The following NECTIN1 variants were observed in gnomAD, a reference collection of about 807,000 sequenced individuals.
The protein encoded by NECTIN1 is nectin-1.
A neutral mutation model predicts 48.0 loss-of-function variants in NECTIN1; 23 were observed. The observed-to-expected ratio is 0.48, with a 90% CI of 0.34 to 0.68. The LOEUF (loss-of-function observed/expected upper bound fraction) is 0.68. Ranked by LOEUF, NECTIN1 falls within the 30% of genes least tolerant of loss-of-function variation. The probability of loss-of-function intolerance (pLI) is 0.01; values close to 1 mark genes in which losing one functional copy is unlikely to be tolerated. For synonymous variants in NECTIN1, 270 were observed against 288.9 expected, an observed-to-expected ratio of 0.93 and a Z score of 0.66; for missense variants, 591 against 709.9, an observed-to-expected ratio of 0.83 and a Z score of 1.90.
intron 1 of NECTIN1, among the ~76,000 whole-genome samples, chr11:119,702,867 CT>C (rs1478707682): frequency 6.6e-6 from 1 of 152,162 alleles, no homozygotes; most frequent in African/African-American, 2.4e-5. Flanking sequence ...GTCTCTTCCT[CT>C]TTTTTTCCTC....
Position 119,665,245 on chromosome 11 carries a change from C to A in NECTIN1, c.1056G>T (p.Val352=). The change falls in exon 6 of 6, where the codon GTG becomes GTT. Residue 352 remains valine (V), a synonymous_variant. Coordinates refer to ENST00000264025, the MANE Select transcript of NECTIN1 (RefSeq NM_002855.5). This position sits in a 1 kb window ranked among gnomAD's most constrained non-coding sequence, Gnocchi z 5.1. ...PPEHGRRAGP[V]PTAIIGGVAG... ...CCACGCCCCCAATGATGGCCGTGGG[C>A]ACCGGCCCGGCGCGCCGCCCATGTT... 1 of 1,599,954 alleles carries A rather than the reference C, an allele frequency of 6.3e-7. No individual in the cohort carries two copies. Among genetic ancestry groups the A allele is most frequent in the Non-Finnish European group, 8.5e-7 (1 of 1,177,612 alleles).
At chr11:119,697,925 T>C (rs1865369934) in intron 1 of NECTIN1, among the ~76,000 whole-genome samples, 1 of 152,260 alleles carries the variant, frequency 6.6e-6, no homozygotes, top group Non-Finnish European at 1.5e-5. Flanking sequence ...CTGCAGAGGC[T>C]GAAGCCCTCG....
chr11:119,643,592 C>T (rs939220549), intron 5 of NECTIN1, among the ~76,000 whole-genome samples: 2 of 152,212 alleles, frequency 1.3e-5, no homozygotes, highest in African/African-American at 4.8e-5. Flanking sequence ...CTACCCCCTC[C>T]CTGAATAGGG....
Position 119,728,651 on chromosome 11 carries a change from G to C in NECTIN1, c.-98C>G. On this transcript the variant is annotated 5_prime_UTR_variant, in exon 1 of 6. Coordinates refer to ENST00000264025, the MANE Select transcript of NECTIN1 (RefSeq NM_002855.5). ...TGAGGGAAGATCGCTGGCGGTCGGCGGGCGCTCGAAGGATCCAGGTCAGCT... is the reference window on the plus strand; with the variant it reads ...TGAGGGAAGATCGCTGGCGGTCGGCCGGCGCTCGAAGGATCCAGGTCAGCT... The C allele has an allele frequency of 2.9e-6, 2 of 689,186 alleles. No individual in the cohort carries two copies. Among genetic ancestry groups the C allele is most frequent in the Non-Finnish European group, 4.4e-6 (2 of 451,064 alleles). 42.7% of individuals were successfully genotyped at this position (689,186 alleles called of 1,614,324 possible). A position where few individuals can be genotyped will look rare whatever the true frequency, so the allele number is the denominator to read the frequency against.
At chr11:119,697,363 G>T (rs1472895134) in intron 1 of NECTIN1, among the ~76,000 whole-genome samples, 2 of 152,134 alleles carry the variant, frequency 1.3e-5, no homozygotes, top group Non-Finnish European at 2.9e-5. Context: ...CATCAGCACG[G>T]TTGGCATTTC....
rs149672732 is a variant in NECTIN1 at position 119,661,691 on chromosome 11, G to A, written c.*3056C>T. On this transcript the variant is annotated 3_prime_UTR_variant, in exon 6 of 6. Coordinates refer to ENST00000264025, the MANE Select transcript of NECTIN1 (RefSeq NM_002855.5). ...GTGGGGGTTGGCTGGCAGAGGAAGC[G>A]CATGCCCAGGAAACAGGGCCCCTAT... 3.1e-5 allele frequency: 31 copies of A among 985,868 alleles called. No homozygotes were observed. Among genetic ancestry groups the A allele is most frequent in the Middle Eastern group, 5.2e-4 (1 of 1,914 alleles). The allele number at this position is 985,868 out of a possible 1,614,324, so 61.1% of individuals were successfully genotyped here. A position where few individuals can be genotyped will look rare whatever the true frequency, so the allele number is the denominator to read the frequency against.
Position 119,677,404 on chromosome 11 carries a change from G to T in NECTIN1, c.733+151C>A. 1 of 1,061,798 alleles carries T rather than the reference G, an allele frequency of 9.4e-7. No individual in the cohort carries two copies. The highest frequency in any genetic ancestry group is 1.4e-6 in the Non-Finnish European group (1 of 700,162). 65.8% of individuals were successfully genotyped at this position (1,061,798 alleles called of 1,614,324 possible). A position where few individuals can be genotyped will look rare whatever the true frequency, so the allele number is the denominator to read the frequency against. Reference sequence around the variant, plus strand: ...GAAACAGGAGGGCGACAGGGAAGGAGGAGAGAAAACGAGCAAAGGGAGGAG... The same window carrying T: ...GAAACAGGAGGGCGACAGGGAAGGATGAGAGAAAACGAGCAAAGGGAGGAG... On this transcript the variant is annotated intron_variant, in intron 3 of 5. Transcript: ENST00000264025. The surrounding 1 kb of genome is among the most constrained non-coding windows in gnomAD (Gnocchi z 5.4).
At chr11:119,644,521 G>C (rs560406320) in intron 5 of NECTIN1, among the ~76,000 whole-genome samples, 1 of 152,352 alleles carries the variant, frequency 6.6e-6, no homozygotes, top group African/African-American at 2.4e-5. Context: ...TCCTCCTTCA[G>C]TTAGACAAAC....
chr11:119,661,671 G>C lies in NECTIN1; in HGVS notation c.*3076C>G. 4 of 985,896 alleles carry C rather than the reference G, an allele frequency of 4.1e-6. No individual in the cohort carries two copies. Among genetic ancestry groups the C allele is most frequent in the Non-Finnish European group, 4.8e-6 (4 of 829,962 alleles). The allele number at this position is 985,896 out of a possible 1,614,324, so 61.1% of individuals were successfully genotyped here. On this transcript the variant is annotated 3_prime_UTR_variant, in exon 6 of 6. Coordinates refer to ENST00000264025, the MANE Select transcript of NECTIN1 (RefSeq NM_002855.5). ...TGCACCAGTGACTTGGGCAAGTGGGGGTTGGCTGGCAGAGGAAGCGCATGC... is the reference window on the plus strand; with the variant it reads ...TGCACCAGTGACTTGGGCAAGTGGGCGTTGGCTGGCAGAGGAAGCGCATGC...
chr11:119,674,817 T>TC (rs995820362), intron 5 of NECTIN1, among the ~76,000 whole-genome samples: 24 of 152,182 alleles, frequency 1.6e-4, no homozygotes, highest in African/African-American at 5.1e-4. Context: ...TGCAAACCTA[T>TC]CCCCACCATG....
intron 1 of NECTIN1, among the ~76,000 whole-genome samples, chr11:119,716,612 G>A (rs144743156): frequency 1.3e-4 from 20 of 152,356 alleles, no homozygotes; most frequent in African/African-American, 4.8e-4. Context: ...CTAGTTGTTT[G>A]TGACCCTGTA....
At position 119,727,537 on chromosome 11, in the gene NECTIN1, T is replaced by TA. The variant is rs1865929898; in HGVS notation, c.79+937dup. On this transcript the variant is annotated intron_variant, in intron 1 of 5. Coordinates refer to ENST00000264025, the MANE Select transcript of NECTIN1 (RefSeq NM_002855.5). This position sits in a 1 kb window ranked among gnomAD's most constrained non-coding sequence, Gnocchi z 4.1. Reference sequence around the variant, plus strand: ...CAGCTTCCCCAGGGACACAAAGGGTTAAATCCAGGCGAGGGGACTCGGTCG... The same window carrying TA: ...CAGCTTCCCCAGGGACACAAAGGGTTAAAATCCAGGCGAGGGGACTCGGTCG... 6.6e-6 allele frequency among the ~76,000 whole-genome samples: 1 copy of TA among 152,226 alleles called. No homozygotes were observed. Among genetic ancestry groups the TA allele is most frequent in the Non-Finnish European group, 1.5e-5 (1 of 68,038 alleles).
chr11:119,659,682 C>T (rs1345402819), downstream of NECTIN1, among the ~76,000 whole-genome samples: 1 of 152,184 alleles, frequency 6.6e-6, no homozygotes, highest in Non-Finnish European at 1.5e-5. Flanking sequence ...TCTGGCTTCT[C>T]CAGCCCAAAG....
At chr11:119,640,132 G>T in intron 5 of NECTIN1, 1 of 1,105,226 alleles carries the variant, frequency 9.0e-7, no homozygotes, top group Non-Finnish European at 1.3e-6. Flanking sequence ...TGCACCCCCA[G>T]CTCCCCTCCC....
intron 5 of NECTIN1, chr11:119,642,718 T>A (rs1279118945): frequency 6.5e-6 from 1 of 153,562 alleles, no homozygotes; most frequent in East Asian, 1.9e-4. Context: ...AAGTCCCTTA[T>A]ATAAAATGGT....
chr11:119,701,545 CCTT>C (rs1429650951), intron 1 of NECTIN1, among the ~76,000 whole-genome samples: 2 of 152,116 alleles, frequency 1.3e-5, no homozygotes, highest in Admixed American at 1.3e-4. Flanking sequence ...CCTCTTCTGT[CCTT>C]CTCTGCTCTG....
Position 119,650,066 on chromosome 11 carries a change from G to C in NECTIN1, c.1004-10054C>G, listed in dbSNP as rs554157102. Among the ~76,000 whole-genome samples, 276 of 151,852 alleles carry C rather than the reference G, an allele frequency of 1.8e-3. 4 individuals are homozygous for C. In the East Asian group the frequency reaches 0.036, roughly 20 times the overall value. On this transcript the variant is annotated intron_variant, in intron 5 of 7. Transcript: ENST00000341398. ...TAAAGGAAAATTACAGTCAAAGGGG[G>C]GTTGTTATCTGGCGGGCAAGAGTGG...
intron 1 of NECTIN1, among the ~76,000 whole-genome samples, chr11:119,724,886 T>C (rs1865886768): frequency 6.6e-6 from 1 of 152,242 alleles, no homozygotes; most frequent in Non-Finnish European, 1.5e-5. Flanking sequence ...CTCATGACCA[T>C]TTTAGCCTGG....
intron 1 of NECTIN1, among the ~76,000 whole-genome samples, chr11:119,718,567 G>A (rs2134342627): frequency 6.6e-6 from 1 of 152,300 alleles, no homozygotes; most frequent in African/African-American, 2.4e-5. Context: ...TCAGCTTGCT[G>A]AGCCCTGGAT....
Sources: gnomAD v4.1 joint callset for allele counts (sites outside exome capture counted in the v4.1 genomes callset) on GRCh38, gnomAD v4.1.1 for gene constraint, Gnocchi (gnomAD v3.1) non-coding constraint, MANE v1.5 for transcripts, NCBI Gene and HGNC (gene_info 2026-07-23, HGNC 2026-07-21) for gene names.